Variants in RGS6 observed in about 807,000 individuals in gnomAD.
RGS6 encodes regulator of G protein signaling 6, also known as regulator of G-protein signaling 6.
In RGS6, 30 loss-of-function variants were observed where a neutral mutation model predicts 78.5. The ratio of observed to expected loss-of-function variants is 0.38; its 90% CI spans 0.29 to 0.52. The LOEUF (loss-of-function observed/expected upper bound fraction) is 0.52, where lower values mean the gene tolerates loss of function less well. RGS6 is among the 20% of genes least tolerant of loss of function. The probability of loss-of-function intolerance (pLI) is 0.85; values close to 1 mark genes in which losing one functional copy is unlikely to be tolerated. For synonymous variants in RGS6, 206 were observed against 206.0 expected (o/e 1.00, Z 0.00); for missense variants, 495 against 609.7 (o/e 0.81, Z 1.98).
In RGS6 at chr14:72,454,521, G is replaced by GTT; in HGVS notation, c.185-6_185-5dup. On this transcript the variant is annotated splice_region_variant and splice_polypyrimidine_tract_variant and intron_variant, in intron 3 of 17. Transcript: ENST00000553525. Reference sequence around the variant, plus strand: ...GGTCTTCAGCTGAAATTGCTTTATCGTTGCAGGTACTGACATTGTGCAGTG... The same window carrying GTT: ...GGTCTTCAGCTGAAATTGCTTTATCGTTTTGCAGGTACTGACATTGTGCAGTG... 1 of 1,613,934 alleles carries GTT rather than the reference G, an allele frequency of 6.2e-7. No individual in the cohort carries two copies. Among genetic ancestry groups the GTT allele is most frequent in the Non-Finnish European group, 8.5e-7 (1 of 1,179,914 alleles).
At chr14:72,028,688 A>T (rs574086178) in intron 2 of RGS6, among the ~76,000 whole-genome samples, 1 of 152,334 alleles carries the variant, frequency 6.6e-6, no homozygotes, top group African/African-American at 2.4e-5. Flanking sequence ...GCTAGTGAGT[A>T]TGGAAGGCTT....
At chr14:71,884,013 C>G in the RGS6 span, among the ~76,000 whole-genome samples, 1 of 152,176 alleles carries the variant, frequency 6.6e-6, no homozygotes, top group Non-Finnish European at 1.5e-5. Context: ...AGTAGCCATT[C>G]TTTATTCCTT....
chr14:72,027,079 A>C (rs2090006413), intron 2 of RGS6, among the ~76,000 whole-genome samples: 1 of 152,078 alleles, frequency 6.6e-6, no homozygotes, highest in Non-Finnish European at 1.5e-5. Context: ...GGAGTAGAAG[A>C]GGAGGCTGGA....
the RGS6 span, among the ~76,000 whole-genome samples, chr14:72,616,656 A>G: frequency 1.1e-4 from 16 of 152,118 alleles, no homozygotes; most frequent in South Asian, 4.1e-4. Context: ...CAGGTGGGCA[A>G]TTGAGGTTCA....
In RGS6 at chr14:72,351,963, C is replaced by T. The variant is rs943252467; in HGVS notation, c.85-132C>T. On this transcript the variant is annotated intron_variant, in intron 2 of 17. Transcript: ENST00000553525. ...CAGATACTGATGCTGTATTTATTGA[C>T]CAACTAGATGGGAGCTTTTTGTGAT... The T allele has an allele frequency of 6.1e-6, 4 of 654,194 alleles. No homozygotes were observed. In the African/African-American group the frequency reaches 7.4e-5, roughly 12 times the overall value. The allele number at this position is 654,194 out of a possible 1,614,324, so 40.5% of individuals were successfully genotyped here.
chr14:72,503,025 A>AT lies in RGS6; in HGVS notation c.966-7129_966-7128insT, dbSNP rs2096749310. Among the ~76,000 whole-genome samples the AT allele has an allele frequency of 7.9e-5, 12 of 152,228 alleles. No individual in the cohort carries two copies. In the South Asian group the frequency reaches 2.5e-3, roughly 32 times the overall value. On this transcript the variant is annotated intron_variant, in intron 13 of 17. Coordinates refer to ENST00000553525, the MANE Select transcript of RGS6 (RefSeq NM_001204424.2). ...CTATGTGGCTTAAAAACAATATAAA[A>AT]ATTTTTTTCACAGTTCTGGAGGCTG...
chr14:72,319,518 A>AT (rs747272038), intron 2 of RGS6, among the ~76,000 whole-genome samples: 1 of 151,862 alleles, frequency 6.6e-6, no homozygotes, highest in South Asian at 2.1e-4. Context: ...TGCCCGGCTA[A>AT]TTTTTTTGTA....
At chr14:72,231,234 G>A (rs1484319740) in intron 2 of RGS6, among the ~76,000 whole-genome samples, 1 of 152,142 alleles carries the variant, frequency 6.6e-6, no homozygotes, top group African/African-American at 2.4e-5. Flanking sequence ...AATAATGCAT[G>A]AATAATACTT....
the RGS6 span, among the ~76,000 whole-genome samples, chr14:72,576,604 C>T: frequency 1.3e-4 from 20 of 152,154 alleles, no homozygotes; most frequent in African/African-American, 3.6e-4. Flanking sequence ...TTATCTGTTA[C>T]GATATTGTTT....
intron 2 of RGS6, among the ~76,000 whole-genome samples, chr14:72,275,220 A>G (rs2153934632): frequency 6.6e-6 from 1 of 152,370 alleles, no homozygotes; most frequent in African/African-American, 2.4e-5. Flanking sequence ...TCTTTAATGA[A>G]CACATATTAA....
rs192526440 is a variant in RGS6, at chr14:72,286,583, C to A, written c.85-65512C>A. ...GATTTTGATGGGGAAAGCATGGAGC[C>A]TGTAGATCACTTTGGGTAGTATAGA... On this transcript the variant is annotated intron_variant, in intron 2 of 17. Coordinates refer to ENST00000553525, the MANE Select transcript of RGS6 (RefSeq NM_001204424.2). Among the ~76,000 whole-genome samples, 422 of 151,940 alleles carry A rather than the reference C, an allele frequency of 2.8e-3. 1 individual carries two copies. Among genetic ancestry groups the A allele is most frequent in the Admixed American group, 4.6e-3 (70 of 15,258 alleles).
intron 13 of RGS6, among the ~76,000 whole-genome samples, chr14:72,495,800 C>T (rs1264636294): frequency 1.3e-5 from 2 of 152,182 alleles, no homozygotes. Flanking sequence ...TTTCATCACT[C>T]TGTTCTTCTG....
chr14:71,956,941 C>G (rs1257138118), intron 1 of RGS6, among the ~76,000 whole-genome samples: 1 of 152,138 alleles, frequency 6.6e-6, no homozygotes, highest in African/African-American at 2.4e-5. Context: ...GATTAAATGT[C>G]TAAATAAGTT....
At chr14:72,476,896 C>A in intron 11 of RGS6, 56 bp downstream of exon 11, 2 of 1,456,646 alleles carry the variant, frequency 1.4e-6, no homozygotes, top group Non-Finnish European at 1.9e-6. Context: ...TTTAAAAACC[C>A]TTTCAAATGT....
At chr14:72,099,730 C>G (rs943668631) in intron 2 of RGS6, among the ~76,000 whole-genome samples, 5 of 152,178 alleles carry the variant, frequency 3.3e-5, no homozygotes, top group Non-Finnish European at 7.3e-5. Flanking sequence ...CACTCTTCCT[C>G]ATAGCTTTGG....
intron 9 of RGS6, chr14:72,474,084 C>T (rs2096167282): frequency 6.6e-6 from 1 of 152,252 alleles, no homozygotes; most frequent in African/African-American, 2.4e-5. Flanking sequence ...ACTCAAGGTA[C>T]AACTACTGAG....
chr14:72,604,197 G>T, the RGS6 span, among the ~76,000 whole-genome samples: 5 of 152,236 alleles, frequency 3.3e-5, no homozygotes, highest in African/African-American at 1.2e-4. Flanking sequence ...GGAAGAGTTT[G>T]CCCTAGATCT....
At chr14:72,384,217 G>A (rs568492895) in intron 3 of RGS6, among the ~76,000 whole-genome samples, 10 of 152,220 alleles carry the variant, frequency 6.6e-5, no homozygotes, top group South Asian at 2.1e-4. Context: ...AAAACAGAAC[G>A]TAAGTTATTT....
intron 2 of RGS6, among the ~76,000 whole-genome samples, chr14:72,171,344 C>G (rs1399000519): frequency 1.3e-5 from 2 of 152,060 alleles, no homozygotes; most frequent in Non-Finnish European, 2.9e-5. Context: ...TTATTTGCTG[C>G]AAAAATTCAA....
Sources: gnomAD v4.1 joint callset for allele counts (sites outside exome capture counted in the v4.1 genomes callset) on GRCh38, gnomAD v4.1.1 for gene constraint, MANE v1.5 for transcripts, NCBI Gene and HGNC (gene_info 2026-07-23, HGNC 2026-07-21) for gene names.